The following CD8A variants were observed in gnomAD, a reference collection of about 807,000 sequenced individuals.
CD8A encodes the protein CD8 subunit alpha.
In CD8A, 25 loss-of-function variants were observed where a neutral mutation model predicts 24.2. The ratio of observed to expected loss-of-function variants is 1.03; its 90% CI spans 0.75 to 1.44. The LOEUF (loss-of-function observed/expected upper bound fraction) is 1.44. Ranked by LOEUF, CD8A falls within the 40% of genes most tolerant of loss-of-function variation. The pLI is 0.00. For missense variants in CD8A, 360 were observed against 319.7 expected (o/e 1.13, Z -0.96); for synonymous variants, 165 against 149.9 (o/e 1.10, Z -0.74).
At chr2:86,789,016 C>T (rs953032323) in intron 4 of CD8A, among the ~76,000 whole-genome samples, 2 of 152,352 alleles carry the variant, frequency 1.3e-5, no homozygotes, top group East Asian at 3.9e-4. Context: ...CGGCCCCCTC[C>T]CGGCGGGCGT....
At chr2:86,795,512 G>A (rs34988194), upstream of CD8A, among the ~76,000 whole-genome samples, 29,446 of 152,150 alleles carry the variant, frequency 0.19, 3,110 homozygotes, top group Non-Finnish European at 0.25. Flanking sequence ...CAAGATAAAC[G>A]TCTTCAAGGA....
At chr2:86,789,206 C>G in intron 4 of CD8A, 117 bp downstream of exon 4, 2 of 759,794 alleles carry the variant, frequency 2.6e-6, no homozygotes, top group Non-Finnish European at 4.9e-6. Flanking sequence ...CGGGGCAGCT[C>G]GGGAGTCCCA....
At position 86,785,186 on chromosome 2, in the gene CD8A, G is replaced by T. The variant is rs1490115244; in HGVS notation, c.*734C>A. The T allele has an allele frequency of 2.2e-6, 1 of 453,854 alleles. No individual in the cohort carries two copies. Among genetic ancestry groups the T allele is most frequent in the Non-Finnish European group, 4.4e-6 (1 of 226,764 alleles). The allele number at this position is 453,854 out of a possible 1,614,324, so 28.1% of individuals were successfully genotyped here. Reference sequence around the variant, plus strand: ...CGCCTCCACATAGGGGTTTCACAGAGATTTTCTTTAGAGATAGAGGGATTC... The same window carrying T: ...CGCCTCCACATAGGGGTTTCACAGATATTTTCTTTAGAGATAGAGGGATTC... On this transcript the variant is annotated 3_prime_UTR_variant, in exon 6 of 6. Coordinates refer to ENST00000283635, the MANE Select transcript of CD8A (RefSeq NM_001768.7).
upstream of CD8A, chr2:86,791,311 G>A (rs1673299950): frequency 2.8e-6 from 1 of 361,276 alleles, no homozygotes. Flanking sequence ...GGGCACTGAG[G>A]GCTGAAAAGG....
intron 5 of CD8A, among the ~76,000 whole-genome samples, chr2:86,787,640 T>C (rs918774208): frequency 1.3e-5 from 2 of 152,210 alleles, no homozygotes; most frequent in Non-Finnish European, 2.9e-5. Context: ...AAAAAAAATC[T>C]ATAAAGCAAG....
intron 2 of CD8A, among the ~76,000 whole-genome samples, chr2:86,806,331 G>A (rs1673856648): frequency 6.6e-6 from 1 of 152,150 alleles, no homozygotes; most frequent in African/African-American, 2.4e-5. Context: ...TGTAGGGGGT[G>A]ACCCATTTCT....
chr2:86,790,897 G>T lies in CD8A; in HGVS notation c.-72C>A. 1 of 1,413,448 alleles carries T rather than the reference G, an allele frequency of 7.1e-7. No homozygotes were observed. The highest frequency in any genetic ancestry group is 9.7e-7 in the Non-Finnish European group (1 of 1,035,328). The allele number at this position is 1,413,448 out of a possible 1,614,324, so 87.6% of individuals were successfully genotyped here. A position where few individuals can be genotyped will look rare whatever the true frequency, so the allele number is the denominator to read the frequency against. On this transcript the variant is annotated 5_prime_UTR_variant, in exon 1 of 6. Coordinates refer to ENST00000283635, the MANE Select transcript of CD8A (RefSeq NM_001768.7). ...GGAGGCGCGCGGGAGCCGGTGGGGCGCCGAGGGGGGAAAGTTGCGCCCTTC... is the reference window on the plus strand; with the variant it reads ...GGAGGCGCGCGGGAGCCGGTGGGGCTCCGAGGGGGGAAAGTTGCGCCCTTC...
upstream of CD8A, among the ~76,000 whole-genome samples, chr2:86,794,185 C>T (rs1245167219): frequency 2.0e-5 from 3 of 152,110 alleles, no homozygotes; most frequent in East Asian, 5.8e-4. Flanking sequence ...TGACTGCACT[C>T]CTTTAAGCAA....
upstream of CD8A, chr2:86,791,015 C>T (rs1197296891): frequency 2.7e-6 from 2 of 734,938 alleles, no homozygotes; most frequent in South Asian, 1.5e-5. Flanking sequence ...CGGTTGTCGC[C>T]TTCCAGCCCG....
chr2:86,785,189 T>G lies in CD8A; in HGVS notation c.*731A>C. 2.2e-6 allele frequency: 1 copy of G among 454,024 alleles called. No homozygotes were observed. Among genetic ancestry groups the G allele is most frequent in the Non-Finnish European group, 4.4e-6 (1 of 226,772 alleles). The allele number at this position is 454,024 out of a possible 1,614,324, so 28.1% of individuals were successfully genotyped here. ...CTCCACATAGGGGTTTCACAGAGATTTTCTTTAGAGATAGAGGGATTCATT... is the reference window on the plus strand; with the variant it reads ...CTCCACATAGGGGTTTCACAGAGATGTTCTTTAGAGATAGAGGGATTCATT... On this transcript the variant is annotated 3_prime_UTR_variant, in exon 6 of 6. Coordinates refer to ENST00000283635, the MANE Select transcript of CD8A (RefSeq NM_001768.7).
intron 4 of CD8A, 122 bp from the exon 5 acceptor site, chr2:86,788,682 T>C: frequency 2.3e-6 from 2 of 861,270 alleles, no homozygotes; most frequent in Non-Finnish European, 3.9e-6. Flanking sequence ...CAAAAAATCA[T>C]TTCAGAACGA....
Position 86,784,656 on chromosome 2 carries a change from A to G in CD8A, c.*1264T>C, listed in dbSNP as rs1672920826. 1 of 405,770 alleles carries G rather than the reference A, an allele frequency of 2.5e-6. No homozygotes were observed. The highest frequency in any genetic ancestry group is 2.7e-5 in the Admixed American group (1 of 36,774). The allele number at this position is 405,770 out of a possible 1,614,324, so 25.1% of individuals were successfully genotyped here. On this transcript the variant is annotated 3_prime_UTR_variant, in exon 6 of 6. Transcript: ENST00000283635. ...GATGCTACAAATGTTTATTCATTAA[A>G]GCCACTCATAACAGCATAGTACAAC...
upstream of CD8A, chr2:86,791,426 C>T: frequency 2.3e-6 from 1 of 433,938 alleles, no homozygotes; most frequent in Non-Finnish European, 4.6e-6. Flanking sequence ...TCCATGAGAG[C>T]GGCAGCAGCC....
In CD8A at chr2:86,785,346, T is replaced by A. The variant is rs1672952655; in HGVS notation, c.*574A>T. The A allele has an allele frequency of 2.2e-6, 1 of 454,070 alleles. No individual in the cohort carries two copies. The highest frequency in any genetic ancestry group is 4.4e-6 in the Non-Finnish European group (1 of 226,830). 28.1% of individuals were successfully genotyped at this position (454,070 alleles called of 1,614,324 possible). Reference sequence around the variant, plus strand: ...AAGGCAGTTCTCTTCTTTAATTCATTACCTCCTCGAGGCTCTGGGCACAGT... The same window carrying A: ...AAGGCAGTTCTCTTCTTTAATTCATAACCTCCTCGAGGCTCTGGGCACAGT... On this transcript the variant is annotated 3_prime_UTR_variant, in exon 6 of 6. Transcript: ENST00000283635.
At chr2:86,807,910 T>A (rs2104471838) in intron 1 of CD8A, 1 of 153,842 alleles carries the variant, frequency 6.5e-6, no homozygotes, top group South Asian at 2.1e-4. Context: ...GGCAGCAGTG[T>A]GTTTGGGAAC....
intron 5 of CD8A, among the ~76,000 whole-genome samples, chr2:86,786,735 A>C (rs944603294): frequency 2.0e-5 from 3 of 152,190 alleles, no homozygotes; most frequent in African/African-American, 7.2e-5. Context: ...AAATGCTAAA[A>C]ACTGGCCGGG....
intron 4 of CD8A, among the ~76,000 whole-genome samples, chr2:86,788,763 T>G (rs1347596776): frequency 6.6e-6 from 1 of 152,168 alleles, no homozygotes; most frequent in Non-Finnish European, 1.5e-5. Flanking sequence ...CCCCTATTTC[T>G]TTGAGGATTA....
Position 86,790,394 on chromosome 2 carries a change from A to T in CD8A, c.337T>A (p.Tyr113Asn), listed in dbSNP as rs763683238. The T allele has an allele frequency of 9.3e-6, 15 of 1,614,038 alleles. No individual in the cohort carries two copies. Among genetic ancestry groups the T allele is most frequent in the Admixed American group, 1.7e-5 (1 of 60,012 alleles). The part of the protein sequence containing the change: ...SDFRRENEGY[Y>N]FCSALSNSIM... ...GAGTTGCTCAGGGCCGAGCAGAAAT[A>T]GTAGCCCTCGTTCTCTCGGCGGAAG... The change falls in exon 2 of 6, where the codon TAT becomes AAT. Residue 113 changes from tyrosine to asparagine, a missense_variant. Physicochemically the swap from Tyr to Asn is moderately radical, Grantham distance 143. Transcript: ENST00000283635.
At chr2:86,787,105 TG>T (rs1338717826) in intron 5 of CD8A, among the ~76,000 whole-genome samples, 2 of 109,572 alleles carry the variant, frequency 1.8e-5, no homozygotes, top group Non-Finnish European at 3.6e-5. Flanking sequence ...TTTTGTGAGA[TG>T]GAATCTTGCT....
Sources: allele counts gnomAD v4.1 joint callset (sites outside exome capture counted in the v4.1 genomes callset), GRCh38; gene constraint gnomAD v4.1.1; transcripts MANE v1.5; gene names NCBI Gene and HGNC (gene_info 2026-07-23, HGNC 2026-07-21).